The following ADGRL3 variants were observed in gnomAD, a reference collection of about 807,000 sequenced individuals.
ADGRL3 encodes the protein calcium-independent alpha-latrotoxin receptor 3.
A neutral mutation model predicts 153.5 loss-of-function variants in ADGRL3; 62 were observed. The observed-to-expected ratio is 0.40, with a 90% CI of 0.33 to 0.50. The LOEUF is 0.50. Among genes scored for constraint, ADGRL3 ranks in the 20% least tolerant of loss-of-function variants. The probability of loss-of-function intolerance (pLI) is 0.47; values close to 1 mark genes in which losing one functional copy is unlikely to be tolerated. For synonymous variants in ADGRL3, 710 were observed against 672.5 expected (o/e 1.06, Z -0.86); for missense variants, 1,641 against 1,859.4 (o/e 0.88, Z 2.16).
intron 1 of ADGRL3, among the ~76,000 whole-genome samples, chr4:61,266,279 C>A (rs1196806829): frequency 1.1e-5 from 1 of 91,224 alleles, no homozygotes; most frequent in Admixed American, 1.1e-4. Flanking sequence ...TGACTTTAGA[C>A]AGAGATGTTT....
At chr4:61,758,932 C>G (rs1277654764) in intron 8 of ADGRL3, among the ~76,000 whole-genome samples, 1 of 152,126 alleles carries the variant, frequency 6.6e-6, no homozygotes, top group Non-Finnish European at 1.5e-5. Context: ...TTCTCCTTCA[C>G]TTATGAAGCT....
At chr4:61,588,823 GTGGGCAC>G (rs1455069600) in intron 5 of ADGRL3, among the ~76,000 whole-genome samples, 1 of 151,988 alleles carries the variant, frequency 6.6e-6, no homozygotes, top group East Asian at 1.9e-4. Context: ...GTAGTATGCA[GTGGGCAC>G]TATGACTAAA....
intron 2 of ADGRL3, among the ~76,000 whole-genome samples, chr4:61,450,584 A>AT (rs1435363671): frequency 6.6e-6 from 1 of 152,214 alleles, no homozygotes; most frequent in East Asian, 1.9e-4. Flanking sequence ...ATTCATTTTT[A>AT]TTTGTTCTGT....
intron 1 of ADGRL3, among the ~76,000 whole-genome samples, chr4:61,267,434 A>T (rs952822905): frequency 6.6e-6 from 1 of 151,644 alleles, no homozygotes; most frequent in Non-Finnish European, 1.5e-5. Flanking sequence ...CCTATTTTCC[A>T]CTACCATGCT....
chr4:61,492,527 G>A (rs1257147246), intron 2 of ADGRL3, among the ~76,000 whole-genome samples: 8 of 151,928 alleles, frequency 5.3e-5, no homozygotes, highest in Non-Finnish European at 1.0e-4. Flanking sequence ...GCTAATATAC[G>A]ATAGAAATAT....
chr4:61,361,452 A>G (rs1413542419), intron 1 of ADGRL3, among the ~76,000 whole-genome samples: 1 of 152,190 alleles, frequency 6.6e-6, no homozygotes, highest in African/African-American at 2.4e-5. Flanking sequence ...AAGAAAGTAA[A>G]GAGTAAAATG....
At chr4:61,332,556 C>T (rs925721072) in intron 1 of ADGRL3, among the ~76,000 whole-genome samples, 3 of 152,102 alleles carry the variant, frequency 2.0e-5, no homozygotes, top group African/African-American at 7.2e-5. Flanking sequence ...GAGTCCAGGA[C>T]TGACTCTGCT....
At chr4:61,820,891 C>T (rs979317505) in intron 9 of ADGRL3, among the ~76,000 whole-genome samples, 2 of 152,070 alleles carry the variant, frequency 1.3e-5, no homozygotes, top group African/African-American at 4.8e-5. Flanking sequence ...AATGCCCTAC[C>T]CTAGAATCAA....
At chr4:61,230,624 A>G (rs1334449164) in intron 1 of ADGRL3, among the ~76,000 whole-genome samples, 1 of 152,082 alleles carries the variant, frequency 6.6e-6, no homozygotes, top group African/African-American at 2.4e-5. Flanking sequence ...GCCTCAAGTC[A>G]TCCTCCTGTT....
At chr4:61,259,305 C>A (rs2092306082) in intron 1 of ADGRL3, among the ~76,000 whole-genome samples, 1 of 151,970 alleles carries the variant, frequency 6.6e-6, no homozygotes, top group Non-Finnish European at 1.5e-5. Flanking sequence ...CACCTGTAGT[C>A]CCAGCTACTC....
intron 21 of ADGRL3, among the ~76,000 whole-genome samples, chr4:62,004,328 A>G (rs1362226439): frequency 2.6e-5 from 4 of 152,026 alleles, no homozygotes; most frequent in Non-Finnish European, 5.9e-5. Flanking sequence ...CAGTAACTTA[A>G]AAGTTTAAGC....
At chr4:61,745,289 G>T (rs2151967379) in intron 8 of ADGRL3, among the ~76,000 whole-genome samples, 1 of 152,262 alleles carries the variant, frequency 6.6e-6, no homozygotes, top group African/African-American at 2.4e-5. Context: ...CACTCTGCAG[G>T]ATATTATCCA....
intron 8 of ADGRL3, among the ~76,000 whole-genome samples, chr4:61,811,318 T>C (rs1017021066): frequency 3.2e-4 from 48 of 151,422 alleles, no homozygotes; most frequent in African/African-American, 1.2e-3. Context: ...AGTACTGCTT[T>C]GTGTTACAAC....
At chr4:61,922,745 A>T (rs1010491742) in intron 13 of ADGRL3, among the ~76,000 whole-genome samples, 7 of 152,172 alleles carry the variant, frequency 4.6e-5, no homozygotes, top group Non-Finnish European at 8.8e-5. Context: ...TCATTCAGAC[A>T]CTGTTTCAGG....
chr4:61,451,923 A>G (rs748655519), intron 2 of ADGRL3, among the ~76,000 whole-genome samples: 2 of 152,164 alleles, frequency 1.3e-5, no homozygotes, highest in Non-Finnish European at 1.5e-5. Flanking sequence ...TTTTGCTACA[A>G]TTGACTACAT....
At chr4:61,903,920 C>T (rs1275651966) in intron 11 of ADGRL3, among the ~76,000 whole-genome samples, 2 of 151,636 alleles carry the variant, frequency 1.3e-5, no homozygotes, top group Non-Finnish European at 2.9e-5. Context: ...CCACTGTGGG[C>T]CCTGAGAAAT....
At chr4:61,769,591 A>G (rs2097056237) in intron 8 of ADGRL3, among the ~76,000 whole-genome samples, 1 of 152,114 alleles carries the variant, frequency 6.6e-6, no homozygotes, top group South Asian at 2.1e-4. Flanking sequence ...TGTGTGAGCA[A>G]CATGGCTGTT....
chr4:61,706,753 G>A (rs1223114577), intron 6 of ADGRL3, among the ~76,000 whole-genome samples: 1 of 152,130 alleles, frequency 6.6e-6, no homozygotes, highest in South Asian at 2.1e-4. Context: ...CTTCTATCCA[G>A]TTCACTAAAA....
At chr4:61,808,433 A>G (rs1199389859) in intron 8 of ADGRL3, among the ~76,000 whole-genome samples, 1 of 152,194 alleles carries the variant, frequency 6.6e-6, no homozygotes, top group Non-Finnish European at 1.5e-5. Context: ...TCAAGCATAT[A>G]GTTGTTTCTC....
Sources: allele counts gnomAD v4.1 joint callset (sites outside exome capture counted in the v4.1 genomes callset), GRCh38; gene constraint gnomAD v4.1.1; transcripts MANE v1.5; gene names NCBI Gene and HGNC (gene_info 2026-07-23, HGNC 2026-07-21).